The following CHD7 variants were observed in gnomAD, a reference collection of about 807,000 sequenced individuals.
The protein encoded by CHD7 is ATP-dependent chromatin remodeler CHD7.
CHD7 carries 24 observed loss-of-function variants against 307.3 expected under a neutral mutation model. That is an observed-to-expected ratio of 0.08 (90% CI 0.06 to 0.11). CHD7 has a LOEUF of 0.11. Ranked by LOEUF, CHD7 falls within the 10% of genes least tolerant of loss-of-function variation. The pLI, the probability that CHD7 is intolerant of heterozygous loss-of-function variation, is 1.00. For synonymous variants in CHD7, 1,363 were observed against 1,349.9 expected (o/e 1.01, Z -0.21); for missense variants, 3,106 against 3,727.1 (o/e 0.83, Z 4.34).
intron 7 of CHD7, among the ~76,000 whole-genome samples, chr8:60,812,441 G>C (rs1294476554): frequency 6.6e-6 from 1 of 152,006 alleles, no homozygotes; most frequent in Non-Finnish European, 1.5e-5. Context: ...GAGGCAGGCT[G>C]ATCACGAGGT....
chr8:60,767,701 G>A (rs751602622), intron 2 of CHD7, among the ~76,000 whole-genome samples: 17 of 152,122 alleles, frequency 1.1e-4, no homozygotes, highest in Non-Finnish European at 2.4e-4. Flanking sequence ...GACTCCTCAC[G>A]GTGCTGGGAC....
At chr8:60,853,614 C>T in intron 31 of CHD7, 114 bp downstream of exon 31, 2 of 823,674 alleles carry the variant, frequency 2.4e-6, no homozygotes, top group Non-Finnish European at 1.8e-6. Context: ...TGTACATTTT[C>T]TTCTGTGAAG....
intron 2 of CHD7, among the ~76,000 whole-genome samples, chr8:60,776,455 C>T (rs537574643): frequency 6.6e-6 from 1 of 152,346 alleles, no homozygotes; most frequent in African/African-American, 2.4e-5. Context: ...GAAGCATTTG[C>T]ATGCCTGCAG....
intron 1 of CHD7, among the ~76,000 whole-genome samples, chr8:60,689,964 G>C (rs1806113568): frequency 6.6e-6 from 1 of 152,166 alleles, no homozygotes; most frequent in South Asian, 2.1e-4. Flanking sequence ...AAAAAACTCA[G>C]GATACCACTT....
chr8:60,820,083 G>A lies in CHD7; in HGVS notation c.2690G>A (p.Arg897Gln), dbSNP rs773685788. 50 of 1,602,482 alleles carry A rather than the reference G, an allele frequency of 3.1e-5. No homozygotes were observed. Among genetic ancestry groups the A allele is most frequent in the South Asian group, 7.8e-5 (7 of 89,376 alleles). Residue 897 changes from arginine (R) to glutamine (Q), a missense_variant, in exon 9 of 38, where the codon CGG becomes CAG. Coordinates refer to ENST00000423902, the MANE Select transcript of CHD7 (RefSeq NM_017780.4). ...IMDFARSTDD[R>Q]GEPVTHYLVK... ...GACTTTGCACGTAGCACAGATGACCGGGGAGAGGTAACAGGAGATCATTTG... is the reference window on the plus strand; with the variant it reads ...GACTTTGCACGTAGCACAGATGACCAGGGAGAGGTAACAGGAGATCATTTG...
chr8:60,784,160 T>C (rs1402920783), intron 3 of CHD7, among the ~76,000 whole-genome samples: 1 of 152,176 alleles, frequency 6.6e-6, no homozygotes, highest in African/African-American at 2.4e-5. Flanking sequence ...TATGCAGTGA[T>C]GAAGGTAATA....
At chr8:60,763,872 C>T (rs114465294) in intron 2 of CHD7, among the ~76,000 whole-genome samples, 1,812 of 152,284 alleles carry the variant, frequency 0.012, 37 homozygotes, top group African/African-American at 0.041. Flanking sequence ...ATAATCACCT[C>T]CCACCCCGAC....
intron 2 of CHD7, among the ~76,000 whole-genome samples, chr8:60,761,144 A>G (rs1045278168): frequency 6.6e-6 from 1 of 151,910 alleles, no homozygotes; most frequent in African/African-American, 2.4e-5. Context: ...CATATACACC[A>G]TGGAATACTA....
At chr8:60,835,537 C>A (rs1045992914) in intron 15 of CHD7, among the ~76,000 whole-genome samples, 1 of 152,132 alleles carries the variant, frequency 6.6e-6, no homozygotes, top group African/African-American at 2.4e-5. Flanking sequence ...AGGAAATTGT[C>A]CTGGAAATAA....
At chr8:60,794,464 A>G (rs2150696498) in intron 3 of CHD7, among the ~76,000 whole-genome samples, 1 of 152,350 alleles carries the variant, frequency 6.6e-6, no homozygotes, top group Non-Finnish European at 1.5e-5. Context: ...ATTATGTACA[A>G]CAGGAAATTG....
intron 6 of CHD7, among the ~76,000 whole-genome samples, chr8:60,803,502 T>C (rs1472890296): frequency 1.3e-5 from 2 of 152,192 alleles, no homozygotes; most frequent in South Asian, 2.1e-4. Flanking sequence ...GTTTGTCTTA[T>C]CATAGGAGAT....
intron 2 of CHD7, among the ~76,000 whole-genome samples, chr8:60,746,314 C>T (rs144388084): frequency 2.0e-5 from 3 of 152,298 alleles, no homozygotes; most frequent in Non-Finnish European, 2.9e-5. Context: ...TTGATTTGTG[C>T]AAATATTATC....
intron 9 of CHD7, among the ~76,000 whole-genome samples, chr8:60,820,814 A>G (rs1339533802): frequency 1.3e-5 from 2 of 152,210 alleles, no homozygotes; most frequent in Non-Finnish European, 2.9e-5. Flanking sequence ...ACACTCTATG[A>G]TGTTTCCAAG....
At chr8:60,712,991 G>T (rs1160621937) in intron 1 of CHD7, among the ~76,000 whole-genome samples, 1 of 146,126 alleles carries the variant, frequency 6.8e-6, no homozygotes, top group South Asian at 2.2e-4. Flanking sequence ...GGGGAGTTAC[G>T]CTGAGCCGAG....
chr8:60,738,182 G>A (rs1403609813), intron 1 of CHD7, among the ~76,000 whole-genome samples: 1 of 152,188 alleles, frequency 6.6e-6, no homozygotes, highest in African/African-American at 2.4e-5. Context: ...CACTTGAAAT[G>A]TAGCTAATAG....
At chr8:60,854,083 G>A (rs1350964613) in intron 31 of CHD7, among the ~76,000 whole-genome samples, 1 of 152,176 alleles carries the variant, frequency 6.6e-6, no homozygotes, top group Non-Finnish European at 1.5e-5. Flanking sequence ...TGACTTGGTT[G>A]GCTATCAGCC....
chr8:60,708,611 C>T (rs111451869), intron 1 of CHD7, among the ~76,000 whole-genome samples: 4 of 152,298 alleles, frequency 2.6e-5, no homozygotes, highest in African/African-American at 9.6e-5. Flanking sequence ...AAATATAGTC[C>T]ACAACAGGCC....
At chr8:60,714,708 C>T (rs966733896) in intron 1 of CHD7, among the ~76,000 whole-genome samples, 2 of 152,174 alleles carry the variant, frequency 1.3e-5, no homozygotes, top group Admixed American at 6.5e-5. Context: ...GCTCCCGCTC[C>T]TCCTCACTCT....
At chr8:60,786,925 A>C (rs1264913345) in intron 3 of CHD7, among the ~76,000 whole-genome samples, 1 of 152,214 alleles carries the variant, frequency 6.6e-6, no homozygotes, top group African/African-American at 2.4e-5. Flanking sequence ...GCAGAGCATC[A>C]GTCATCTGAA....
Sources: allele counts gnomAD v4.1 joint callset (sites outside exome capture counted in the v4.1 genomes callset), GRCh38; gene constraint gnomAD v4.1.1; transcripts MANE v1.5; gene names NCBI Gene and HGNC (gene_info 2026-07-23, HGNC 2026-07-21).